TBP: variants seen among roughly 807,000 people sequenced by gnomAD.
TBP encodes the protein TATA-box-binding protein.
TBP carries 12 observed loss-of-function variants against 46.2 expected under a neutral mutation model. That is an observed-to-expected ratio of 0.26 (90% CI 0.17 to 0.42). TBP has a LOEUF of 0.42. TBP is among the 10% of genes least tolerant of loss of function. The pLI is 1.00. For synonymous variants in TBP, 157 were observed against 148.3 expected, an observed-to-expected ratio of 1.06 and a Z score of -0.42; for missense variants, 229 against 403.1, an observed-to-expected ratio of 0.57 and a Z score of 3.70.
intron 3 of TBP, among the ~76,000 whole-genome samples, chr6:170,562,504 T>C (rs1003634010): frequency 4.6e-5 from 7 of 152,216 alleles, no homozygotes; most frequent in African/African-American, 1.7e-4. Context: ...TCACTGTCGT[T>C]ATTATTATAT....
At chr6:170,562,354 T>C in intron 3 of TBP, 121 bp downstream of exon 3, 1 of 1,170,042 alleles carries the variant, frequency 8.5e-7, no homozygotes, top group Non-Finnish European at 1.2e-6. Flanking sequence ...TAATTGTGTA[T>C]CAAAATTTGC....
chr6:170,568,253 A>G (rs1246285953), intron 5 of TBP, among the ~76,000 whole-genome samples: 3 of 152,196 alleles, frequency 2.0e-5, no homozygotes, highest in East Asian at 3.9e-4. Flanking sequence ...CTTTTCATGC[A>G]GCATTTAGCC....
chr6:170,564,694 A>G, intron 4 of TBP, 62 bp downstream of exon 4: 1 of 1,161,276 alleles, frequency 8.6e-7, no homozygotes, highest in East Asian at 2.6e-5. Context: ...CCGTGTCTCT[A>G]TATTTTAATG....
chr6:170,555,384 T>TC, intron 1 of TBP, among the ~76,000 whole-genome samples: 1 of 152,324 alleles, frequency 6.6e-6, no homozygotes, highest in Admixed American at 6.5e-5. Context: ...CTTCCGAAAT[T>TC]CCATAACTGT....
intron 4 of TBP, among the ~76,000 whole-genome samples, chr6:170,565,620 A>C (rs1349629335): frequency 6.6e-6 from 1 of 152,224 alleles, no homozygotes; most frequent in Non-Finnish European, 1.5e-5. Context: ...TTATTACTTT[A>C]CGTTCTTAAG....
At chr6:170,555,993 CA>C (rs759051087) in intron 1 of TBP, among the ~76,000 whole-genome samples, 10 of 152,126 alleles carry the variant, frequency 6.6e-5, no homozygotes, top group Non-Finnish European at 1.5e-4. Context: ...TTTCCAGAAG[CA>C]GAGCTTGCTT....
intron 1 of TBP, among the ~76,000 whole-genome samples, chr6:170,555,976 ATATT>A (rs1202835618): frequency 1.1e-4 from 17 of 152,226 alleles, no homozygotes; most frequent in African/African-American, 4.1e-4. Flanking sequence ...TATCTCTGAT[ATATT>A]TATTTCCAGA....
intron 2 of TBP, among the ~76,000 whole-genome samples, chr6:170,561,171 T>G (rs1779132091): frequency 6.6e-6 from 1 of 152,228 alleles, no homozygotes; most frequent in Non-Finnish European, 1.5e-5. Flanking sequence ...TGTTAGCATT[T>G]TTAGCAATAA....
At chr6:170,564,262 C>T (rs546221473) in intron 3 of TBP, among the ~76,000 whole-genome samples, 1 of 152,308 alleles carries the variant, frequency 6.6e-6, no homozygotes, top group South Asian at 2.1e-4. Context: ...ACTTGGGAGC[C>T]ATTGCGTCCT....
chr6:170,571,383 C>T (rs747419428), intron 6 of TBP, 27 bp from the exon 7 acceptor site: 2 of 1,550,250 alleles, frequency 1.3e-6, no homozygotes, highest in Non-Finnish European at 1.8e-6. Flanking sequence ...CTCTTGATTT[C>T]TAAACTTTTT....
rs147902959 is a variant in TBP at position 170,563,424 on chromosome 6, ATATT to A, written c.498-1118_498-1115del. The stretch of plus-strand genomic sequence containing the variant: ...GTAGGCTTAAGAGGGATTAAGGTAA[ATATT>A]TAATTAATGAAAATATATAAGAATA... On this transcript the variant is annotated intron_variant, in intron 3 of 7. Coordinates refer to ENST00000392092, the MANE Select transcript of TBP (RefSeq NM_003194.5). Among the ~76,000 whole-genome samples, 1,106 of 152,314 alleles carry A rather than the reference ATATT, an allele frequency of 7.3e-3. 5 individuals are homozygous for A. Among genetic ancestry groups the A allele is most frequent in the Non-Finnish European group, 0.012 (830 of 68,020 alleles).
At chr6:170,561,019 GAGTC>G (rs1433626999) in intron 2 of TBP, among the ~76,000 whole-genome samples, 3 of 152,164 alleles carry the variant, frequency 2.0e-5, no homozygotes, top group Non-Finnish European at 4.4e-5. Flanking sequence ...GTGAAAGGAA[GAGTC>G]AGTCAGTGTG....
At position 170,561,998 on chromosome 6, in the gene TBP, CA is replaced by C; in HGVS notation, c.263del (p.Gln88ArgfsTer56). On this transcript the variant is annotated frameshift_variant, in exon 3 of 8. Coordinates refer to ENST00000392092, the MANE Select transcript of TBP (RefSeq NM_003194.5). LOFTEE classifies it high-confidence loss of function. ...GCAGCAGCAGCAGCAGCAGCAGCAG[CA>C]GCAGCAGCAGCAGCAGCAACAGGCA... The part of the protein sequence containing the change: ...QQQQQQQQQQ[Q>X]QQQQQQQAVA... The C allele has an allele frequency of 1.2e-6, 2 of 1,607,248 alleles. No individual in the cohort carries two copies. Among genetic ancestry groups the C allele is most frequent in the African/African-American group, 1.3e-5 (1 of 74,340 alleles).
intron 2 of TBP, among the ~76,000 whole-genome samples, chr6:170,559,102 T>C (rs1346688377): frequency 6.6e-6 from 1 of 152,244 alleles, no homozygotes; most frequent in African/African-American, 2.4e-5. Context: ...GATAAATGTC[T>C]GCAGCGTGAC....
chr6:170,559,013 G>GATC (rs1779089967), intron 2 of TBP, among the ~76,000 whole-genome samples: 2 of 152,134 alleles, frequency 1.3e-5, no homozygotes, highest in South Asian at 2.1e-4. Flanking sequence ...CTGTTATTGT[G>GATC]ATCAGTGATC....
At chr6:170,570,087 G>C (rs888963752) in intron 6 of TBP, among the ~76,000 whole-genome samples, 1 of 144,524 alleles carries the variant, frequency 6.9e-6, no homozygotes, top group Non-Finnish European at 1.5e-5. Context: ...CCCTAACCTT[G>C]TATCAATTTT....
chr6:170,557,903 C>T (rs1014868240), intron 2 of TBP, among the ~76,000 whole-genome samples: 10 of 152,066 alleles, frequency 6.6e-5, no homozygotes, highest in African/African-American at 1.2e-4. Context: ...TCTGCTGGCC[C>T]CAGGTAACTA....
chr6:170,557,305 C>A (rs1371734345), intron 2 of TBP, among the ~76,000 whole-genome samples: 1 of 152,196 alleles, frequency 6.6e-6, no homozygotes, highest in Non-Finnish European at 1.5e-5. Flanking sequence ...AACACCTAAT[C>A]TTTTGATAAA....
chr6:170,561,041 T>G (rs1156457608), intron 2 of TBP, among the ~76,000 whole-genome samples: 2 of 152,186 alleles, frequency 1.3e-5, no homozygotes, highest in Non-Finnish European at 2.9e-5. Flanking sequence ...GTGGCAAACT[T>G]CGTCAGTCTT....
Sources: gnomAD v4.1 joint callset for allele counts (sites outside exome capture counted in the v4.1 genomes callset) on GRCh38, gnomAD v4.1.1 for gene constraint, MANE v1.5 for transcripts, NCBI Gene and HGNC (gene_info 2026-07-23, HGNC 2026-07-21) for gene names.